Variants in RNF169 observed in about 807,000 individuals in gnomAD.
RNF169 encodes the protein E3 ubiquitin-protein ligase RNF169.
RNF169 carries 24 observed loss-of-function variants against 53.9 expected under a neutral mutation model. That is an observed-to-expected ratio of 0.45 (90% CI 0.32 to 0.63). RNF169 has a LOEUF of 0.63. RNF169 is among the 20% of genes least tolerant of loss of function. RNF169 has a pLI of 0.04. For missense variants in RNF169, 883 were observed against 906.2 expected, an observed-to-expected ratio of 0.97 and a Z score of 0.33; for synonymous variants, 396 against 363.5, an observed-to-expected ratio of 1.09 and a Z score of -1.02.
intron 1 of RNF169, among the ~76,000 whole-genome samples, chr11:74,775,431 A>G (rs189868588): frequency 1.1e-4 from 16 of 152,216 alleles, no homozygotes; most frequent in Non-Finnish European, 2.2e-4. Flanking sequence ...AGTGAATCAA[A>G]ATCTGCTTCC....
At chr11:74,767,745 A>AT (rs1177318393) in intron 1 of RNF169, among the ~76,000 whole-genome samples, 193 of 140,072 alleles carry the variant, frequency 1.4e-3, no homozygotes, top group African/African-American at 2.0e-3. Context: ...AATTTTTTGT[A>AT]TTTTTTTTTT....
Position 74,819,539 on chromosome 11 carries a change from G to C in RNF169, c.842+1825G>C, listed in dbSNP as rs373813052. Among the ~76,000 whole-genome samples, 7 of 152,230 alleles carry C rather than the reference G, an allele frequency of 4.6e-5. No individual in the cohort carries two copies. The East Asian group carries it at 1.2e-3, about 25-fold the overall frequency. ...AGTACAGTGTCTGGCACTTAGTAAG[G>C]GCTCAGTAAATATTTGTGGAATGTT... On this transcript the variant is annotated intron_variant, in intron 4 of 5. Coordinates refer to ENST00000299563, the MANE Select transcript of RNF169 (RefSeq NM_001098638.2).
intron 1 of RNF169, among the ~76,000 whole-genome samples, chr11:74,761,414 C>T (rs1190647451): frequency 6.8e-6 from 1 of 146,864 alleles, no homozygotes; most frequent in East Asian, 2.0e-4. Flanking sequence ...TCTCGATGGT[C>T]TTTACATTTT....
chr11:74,827,581 T>C (rs889887311), intron 4 of RNF169, among the ~76,000 whole-genome samples: 2 of 152,170 alleles, frequency 1.3e-5, no homozygotes, highest in Non-Finnish European at 2.9e-5. Context: ...TTCCAGACCA[T>C]CTCTTTGTGA....
Position 74,810,310 on chromosome 11 carries a change from C to G in RNF169, c.703C>G (p.Leu235Val). 1 of 1,613,544 alleles carries G rather than the reference C, an allele frequency of 6.2e-7. No homozygotes were observed. The highest frequency in any genetic ancestry group is 2.2e-5 in the East Asian group (1 of 44,864). Residue 235 changes from leucine (L) to valine (V), a missense_variant, in exon 3 of 6, where the codon CTG (leucine) becomes GTG (valine). This residue lies in a region of RNF169 where 219 missense variants were observed against 289.1 expected (regional missense o/e 0.76). Coordinates refer to ENST00000299563, the MANE Select transcript of RNF169 (RefSeq NM_001098638.2). Reference sequence around the variant, plus strand: ...GAAAAAAAGAGATGAACCATTAGTACTGAAAACAAATCTGGAACGTGTAAG... The same window carrying G: ...GAAAAAAAGAGATGAACCATTAGTAGTGAAAACAAATCTGGAACGTGTAAG... The part of the protein sequence containing the change: ...EQKKRDEPLV[L>V]KTNLERCPAR...
At chr11:74,753,730 T>A (rs946614069) in intron 1 of RNF169, among the ~76,000 whole-genome samples, 7 of 152,118 alleles carry the variant, frequency 4.6e-5, no homozygotes, top group African/African-American at 1.4e-4. Flanking sequence ...ATTTTTTTTT[T>A]ATTTTGTTGA....
At chr11:74,753,231 G>T (rs1430642629) in intron 1 of RNF169, among the ~76,000 whole-genome samples, 1 of 152,196 alleles carries the variant, frequency 6.6e-6, no homozygotes, top group African/African-American at 2.4e-5. Flanking sequence ...GCCTCCCAAA[G>T]TGCTGGGATT....
chr11:74,770,254 A>C (rs2035240654), intron 1 of RNF169, among the ~76,000 whole-genome samples: 1 of 152,258 alleles, frequency 6.6e-6, no homozygotes, highest in Non-Finnish European at 1.5e-5. Flanking sequence ...AGAACTTGAG[A>C]GTCTAAGCGA....
rs2036449136 is a variant in RNF169, at chr11:74,840,994, A to G, written c.*4264A>G. 1 of 152,122 alleles carries G rather than the reference A, an allele frequency of 6.6e-6. No homozygotes were observed. Among genetic ancestry groups the G allele is most frequent in the South Asian group, 2.1e-4 (1 of 4,826 alleles). The allele number at this position is 152,122 out of a possible 1,614,324, so 9.4% of individuals were successfully genotyped here. A position where few individuals can be genotyped will look rare whatever the true frequency, so the allele number is the denominator to read the frequency against. ...TGATTTTTTTCAGTTAGTTAGAGTTAAATGTACCTATAGCCCCTGAATACA... is the reference window on the plus strand; with the variant it reads ...TGATTTTTTTCAGTTAGTTAGAGTTGAATGTACCTATAGCCCCTGAATACA... On this transcript the variant is annotated 3_prime_UTR_variant, in exon 6 of 6. Transcript: ENST00000299563.
At chr11:74,753,156 C>T (rs1565167753) in intron 1 of RNF169, among the ~76,000 whole-genome samples, 1 of 152,016 alleles carries the variant, frequency 6.6e-6, no homozygotes, top group Non-Finnish European at 1.5e-5. Flanking sequence ...TTAGTAGAGA[C>T]GGGGTTTCTC....
At chr11:74,803,022 A>T (rs541560743) in intron 2 of RNF169, among the ~76,000 whole-genome samples, 1 of 149,488 alleles carries the variant, frequency 6.7e-6, no homozygotes, top group Admixed American at 6.6e-5. Flanking sequence ...CCGGGTTCAC[A>T]CCATTCTCCT....
intron 4 of RNF169, among the ~76,000 whole-genome samples, chr11:74,823,404 C>A (rs1489825263): frequency 2.0e-5 from 3 of 152,052 alleles, no homozygotes; most frequent in African/African-American, 7.2e-5. Flanking sequence ...GGAAACTAAT[C>A]AAAAGTTTAC....
At chr11:74,763,332 A>C (rs1016487579) in intron 1 of RNF169, among the ~76,000 whole-genome samples, 10 of 152,176 alleles carry the variant, frequency 6.6e-5, no homozygotes, top group Non-Finnish European at 1.3e-4. Context: ...CACATGAGGA[A>C]ATGGCTTTGT....
intron 4 of RNF169, among the ~76,000 whole-genome samples, chr11:74,821,773 T>G (rs2036014527): frequency 6.6e-6 from 1 of 151,054 alleles, no homozygotes; most frequent in Non-Finnish European, 1.5e-5. Flanking sequence ...GGGTTTGAGG[T>G]GATAGCTAAA....
chr11:74,828,295 G>A (rs891889740), intron 4 of RNF169, among the ~76,000 whole-genome samples: 3 of 152,114 alleles, frequency 2.0e-5, no homozygotes, highest in Non-Finnish European at 4.4e-5. Flanking sequence ...TCTCTTCAAG[G>A]AGAACTACAA....
intron 3 of RNF169, among the ~76,000 whole-genome samples, 194 bp downstream of exon 3, chr11:74,810,524 T>G (rs2035861076): frequency 6.6e-6 from 1 of 152,122 alleles, no homozygotes; most frequent in Non-Finnish European, 1.5e-5. Flanking sequence ...ATATTAAGAC[T>G]TGTGGGAAGA....
rs1316974401 is a variant in RNF169, at chr11:74,817,160, C to CCTGT, written c.724-436_724-435insCTGT. 1.1e-4 allele frequency among the ~76,000 whole-genome samples: 17 copies of CCTGT among 152,160 alleles called. No individual in the cohort carries two copies. The South Asian group carries it at 3.5e-3, about 32-fold the overall frequency. On this transcript the variant is annotated intron_variant, in intron 3 of 5. Transcript: ENST00000299563. ...TCTTAATTTAAGAACTAGTTTTATC[C>CCTGT]ATGTATTAACCCTGTAATTCTAGGA...
At chr11:74,795,936 C>T (rs1450999099) in intron 2 of RNF169, among the ~76,000 whole-genome samples, 1 of 152,172 alleles carries the variant, frequency 6.6e-6, no homozygotes, top group Non-Finnish European at 1.5e-5. Flanking sequence ...TTTCAACTTA[C>T]TCTCTCGACA....
At chr11:74,771,262 T>C (rs1309213470) in intron 1 of RNF169, among the ~76,000 whole-genome samples, 1 of 152,210 alleles carries the variant, frequency 6.6e-6, no homozygotes, top group Non-Finnish European at 1.5e-5. Context: ...TTTGGCTCTG[T>C]CTACTACCGA....
Sources: gnomAD v4.1 joint callset for allele counts (sites outside exome capture counted in the v4.1 genomes callset) on GRCh38, gnomAD v4.1.1 for gene constraint, gnomAD v4.1.1 regional missense constraint, MANE v1.5 for transcripts, NCBI Gene and HGNC (gene_info 2026-07-23, HGNC 2026-07-21) for gene names.